The following DCC variants were observed in gnomAD, a reference collection of about 807,000 sequenced individuals.
The protein encoded by DCC is DCC netrin 1 receptor.
Under a neutral mutation model 172.5 loss-of-function variants are expected in DCC, and 58 were observed. The ratio of observed to expected loss-of-function variants is 0.34; its 90% confidence interval spans 0.27 to 0.42. The LOEUF (loss-of-function observed/expected upper bound fraction) is 0.42. Ranked by LOEUF, DCC falls within the 10% of genes least tolerant of loss-of-function variation. The pLI is 1.00. For synonymous variants in DCC, 709 were observed against 644.5 expected, an observed-to-expected ratio of 1.10 and a Z score of -1.52; for missense variants, 1,740 against 1,791.0, an observed-to-expected ratio of 0.97 and a Z score of 0.51.
intron 1 of DCC, among the ~76,000 whole-genome samples, chr18:52,396,288 C>G (rs1006746226): frequency 7.1e-6 from 1 of 141,004 alleles, no homozygotes; most frequent in African/African-American, 2.6e-5. Context: ...CACACCCCCC[C>G]CCCACCCCGC....
At chr18:53,208,701 C>A (rs1231801166) in intron 11 of DCC, among the ~76,000 whole-genome samples, 1 of 152,112 alleles carries the variant, frequency 6.6e-6, no homozygotes, top group African/African-American at 2.4e-5. Flanking sequence ...CTTCACTACA[C>A]CCTTTATTCC....
chr18:52,469,730 A>G (rs1988892304), intron 1 of DCC, among the ~76,000 whole-genome samples: 1 of 152,234 alleles, frequency 6.6e-6, no homozygotes, highest in Non-Finnish European at 1.5e-5. Context: ...ATATTACAGT[A>G]AAATGTGAGT....
rs141684181 is a variant in DCC, at chr18:53,022,727, G to A, written c.986-40578G>A. On this transcript the variant is annotated intron_variant, in intron 5 of 28. Coordinates refer to ENST00000442544, the MANE Select transcript of DCC (RefSeq NM_005215.4). ...GTAGAACTACTAACCCTATGATGCA[G>A]AGAATTGTCAAAAGCATCAATACAC... 1.9e-3 allele frequency among the ~76,000 whole-genome samples: 293 copies of A among 152,048 alleles called. 1 individual carries two copies. Among genetic ancestry groups the A allele is most frequent in the African/African-American group, 6.6e-3 (273 of 41,500 alleles).
intron 26 of DCC, among the ~76,000 whole-genome samples, chr18:53,496,770 T>G (rs1291520855): frequency 3.3e-5 from 5 of 152,172 alleles, no homozygotes; most frequent in Non-Finnish European, 5.9e-5. Context: ...GAATAACCAG[T>G]TTAGAGAAGA....
At chr18:53,408,473 G>A (rs929208396) in intron 19 of DCC, among the ~76,000 whole-genome samples, 3 of 152,190 alleles carry the variant, frequency 2.0e-5, no homozygotes, top group Non-Finnish European at 2.9e-5. Flanking sequence ...TTCATCAAAG[G>A]CGAAAGAAGA....
At chr18:53,362,056 T>G (rs1378152746) in intron 15 of DCC, among the ~76,000 whole-genome samples, 1 of 152,170 alleles carries the variant, frequency 6.6e-6, no homozygotes, top group Non-Finnish European at 1.5e-5. Flanking sequence ...CATTATCTTT[T>G]TCTAATATGT....
chr18:53,206,242 A>G (rs117100050), intron 10 of DCC, among the ~76,000 whole-genome samples: 2 of 112,252 alleles, frequency 1.8e-5, no homozygotes, highest in Admixed American at 1.0e-4. Context: ...TGTGTTATAC[A>G]TAATACATAT....
chr18:52,416,835 G>T (rs1278608006), intron 1 of DCC, among the ~76,000 whole-genome samples: 4 of 152,044 alleles, frequency 2.6e-5, no homozygotes, highest in South Asian at 2.1e-4. Flanking sequence ...CAATTTGCCA[G>T]TCTGTGTCTT....
At chr18:52,462,972 T>C (rs1282943768) in intron 1 of DCC, among the ~76,000 whole-genome samples, 1 of 152,178 alleles carries the variant, frequency 6.6e-6, no homozygotes, top group Non-Finnish European at 1.5e-5. Flanking sequence ...TGCTGCCTGA[T>C]AGTGGATCCA....
chr18:52,863,252 A>T (rs2039171934), intron 2 of DCC, among the ~76,000 whole-genome samples: 1 of 151,960 alleles, frequency 6.6e-6, no homozygotes, highest in Admixed American at 6.6e-5. Context: ...TACACTTTGC[A>T]TACAGAATTG....
intron 8 of DCC, among the ~76,000 whole-genome samples, chr18:53,162,065 G>A (rs554054655): frequency 6.6e-6 from 1 of 152,180 alleles, no homozygotes; most frequent in South Asian, 2.1e-4. Context: ...TTGGGAGGCC[G>A]AGGTGAGTGG....
chr18:52,834,013 C>T (rs1281505324), intron 2 of DCC, among the ~76,000 whole-genome samples: 1 of 152,076 alleles, frequency 6.6e-6, no homozygotes, highest in Non-Finnish European at 1.5e-5. Context: ...ACTCCCGGGG[C>T]CTATGTGCTT....
chr18:53,390,471 T>C (rs1167858744), intron 16 of DCC, among the ~76,000 whole-genome samples: 2 of 152,310 alleles, frequency 1.3e-5, no homozygotes, highest in East Asian at 3.9e-4. Flanking sequence ...CCCTGTATTA[T>C]GCTGCTGTAG....
chr18:52,883,193 T>A lies in DCC; in HGVS notation c.413-22851T>A, dbSNP rs577651985. Among the ~76,000 whole-genome samples the A allele has an allele frequency of 7.2e-5, 11 of 152,268 alleles. 1 individual carries two copies. In the South Asian group the frequency reaches 2.1e-3, roughly 29 times the overall value. Reference sequence around the variant, plus strand: ...GGGCAACAGATCATTGGGTCTCATGTTTTAATCTATTAAGACATTCTATGG... The same window carrying A: ...GGGCAACAGATCATTGGGTCTCATGATTTAATCTATTAAGACATTCTATGG... On this transcript the variant is annotated intron_variant, in intron 2 of 28. Transcript: ENST00000442544.
intron 7 of DCC, among the ~76,000 whole-genome samples, chr18:53,096,210 A>AGGTAT (rs2043086087): frequency 6.6e-6 from 1 of 152,100 alleles, no homozygotes; most frequent in Non-Finnish European, 1.5e-5. Context: ...ATGGTCCTGC[A>AGGTAT]AGTCTATAGT....
rs1211006514 is a variant in DCC at position 52,654,765 on chromosome 18, C to G, written c.92-97289C>G. On this transcript the variant is annotated intron_variant, in intron 1 of 28. Coordinates refer to ENST00000442544, the MANE Select transcript of DCC (RefSeq NM_005215.4). Reference sequence around the variant, plus strand: ...ATACAACTAAAGCTTTAACATACCCCCTCTTCCCTGTAGGGTTAAATTTGG... The same window carrying G: ...ATACAACTAAAGCTTTAACATACCCGCTCTTCCCTGTAGGGTTAAATTTGG... Among the ~76,000 whole-genome samples, 3 of 152,046 alleles carry G rather than the reference C, an allele frequency of 2.0e-5. No individual in the cohort carries two copies. The East Asian group carries it at 5.8e-4, about 29-fold the overall frequency.
intron 1 of DCC, among the ~76,000 whole-genome samples, chr18:52,390,078 T>C (rs1598777117): frequency 6.6e-6 from 1 of 151,780 alleles, no homozygotes; most frequent in African/African-American, 2.4e-5. Flanking sequence ...TTCCCTAAGG[T>C]TTCTATGCTT....
Position 53,063,271 on chromosome 18 carries a change from C to CCACT in DCC, c.986-25_986-22dup, listed in dbSNP as rs573737860. The stretch of plus-strand genomic sequence containing the variant: ...GCAGCATGCAAGTTCACATCCCCAC[C>CCACT]CACTCACTCACTTTTTTTTTTCTGT... On this transcript the variant is annotated intron_variant, in intron 5 of 28. Transcript: ENST00000442544. 5.6e-4 allele frequency: 898 copies of CCACT among 1,610,216 alleles called. 6 individuals carry two copies. In the African/African-American group the frequency reaches 0.01, roughly 19 times the overall value.
At chr18:52,708,193 G>C (rs1025116648) in intron 1 of DCC, among the ~76,000 whole-genome samples, 1 of 152,108 alleles carries the variant, frequency 6.6e-6, no homozygotes, top group African/African-American at 2.4e-5. Flanking sequence ...TGTAATCCCA[G>C]CACTTTGGGA....
Sources: allele counts gnomAD v4.1 joint callset (sites outside exome capture counted in the v4.1 genomes callset), GRCh38; gene constraint gnomAD v4.1.1; transcripts MANE v1.5; gene names NCBI Gene and HGNC (gene_info 2026-07-23, HGNC 2026-07-21).